MYH15: variants seen among roughly 807,000 people sequenced by gnomAD.
MYH15 encodes the protein myosin-15.
In MYH15, 227 loss-of-function variants were observed where a neutral mutation model predicts 240.5. The observed-to-expected ratio is 0.94, with a 90% CI of 0.85 to 1.05. MYH15 has a LOEUF of 1.05. Among genes scored for constraint, MYH15 ranks in the 50% least tolerant of loss-of-function variants. The probability of loss-of-function intolerance (pLI) is 0.00; values close to 1 mark genes in which losing one functional copy is unlikely to be tolerated. For missense variants in MYH15, 2,217 were observed against 2,247.5 expected (o/e 0.99, Z 0.27); for synonymous variants, 785 against 796.7 (o/e 0.99, Z 0.25).
chr3:108,404,302 T>C (rs1251729245), intron 33 of MYH15, among the ~76,000 whole-genome samples: 2 of 152,194 alleles, frequency 1.3e-5, no homozygotes, highest in African/African-American at 4.8e-5. Context: ...CAATTGAACA[T>C]GTTAACAGGG....
Position 108,464,783 on chromosome 3 carries a change from T to A in MYH15, c.1586A>T (p.Glu529Val), listed in dbSNP as rs1217490781. Residue 529 changes from glutamate (E) to valine (V), a missense_variant, in exon 15 of 41, where the codon GAG becomes GTG. Transcript: ENST00000693548. ...PMGILSILEE[E>V]CMFPKATDLT... ...GTCTGTAGCCTTAGGAAACATACAC[T>A]CTTCTTCAAGGATGGAAAGGATGCC... is the stretch of plus-strand genomic sequence containing the variant. 2 of 1,611,460 alleles carry A rather than the reference T, an allele frequency of 1.2e-6. No homozygotes were observed. The highest frequency in any genetic ancestry group is 1.3e-5 in the African/African-American group (1 of 74,818).
intron 20 of MYH15, 152 bp downstream of exon 20, chr3:108,455,584 C>A (rs992132706): frequency 5.6e-6 from 5 of 887,324 alleles, no homozygotes; most frequent in Non-Finnish European, 8.6e-6. Flanking sequence ...CAAACAGCAC[C>A]GAAGTTTTCA....
chr3:108,528,480 T>C (rs2083690191), intron 1 of MYH15, among the ~76,000 whole-genome samples: 1 of 152,204 alleles, frequency 6.6e-6, no homozygotes, highest in Non-Finnish European at 1.5e-5. Flanking sequence ...TGGTTGGGTT[T>C]TTCTGCACTC....
intron 33 of MYH15, chr3:108,405,051 A>G (rs1228734325): frequency 1.1e-5 from 2 of 182,074 alleles, no homozygotes; most frequent in African/African-American, 4.7e-5. Flanking sequence ...GCTCACCACT[A>G]TTGATATAAA....
At chr3:108,430,789 G>C (rs147137211) in intron 26 of MYH15, 43 bp downstream of exon 26, 25,161 of 1,442,638 alleles carry the variant, frequency 0.017, 299 homozygotes, top group Middle Eastern at 0.018. Context: ...CATCACCCAT[G>C]GATCTAAATA....
intron 5 of MYH15, among the ~76,000 whole-genome samples, chr3:108,499,105 G>T (rs909192941): frequency 6.6e-6 from 1 of 152,100 alleles, no homozygotes; most frequent in African/African-American, 2.4e-5. Flanking sequence ...CATACCTATT[G>T]GACGTTCAGC....
chr3:108,505,668 T>G (rs2083470263), intron 2 of MYH15, 55 bp downstream of exon 2: 1 of 949,900 alleles, frequency 1.1e-6, no homozygotes, highest in African/African-American at 1.7e-5. Context: ...ATAATATATT[T>G]AGTTATTTGA....
At chr3:108,540,489 G>T in the MYH15 span, among the ~76,000 whole-genome samples, 1 of 151,980 alleles carries the variant, frequency 6.6e-6, no homozygotes, top group African/African-American at 2.4e-5. Context: ...ATTAGTTACT[G>T]AAGCACAAAC....
intron 26 of MYH15, among the ~76,000 whole-genome samples, chr3:108,429,498 A>G (rs1172245409): frequency 2.6e-5 from 4 of 152,170 alleles, no homozygotes; most frequent in Non-Finnish European, 5.9e-5. Context: ...ATACAGTATC[A>G]TCAGAGGCAG....
chr3:108,498,741 C>A (rs556795297), intron 5 of MYH15, among the ~76,000 whole-genome samples: 1 of 152,358 alleles, frequency 6.6e-6, no homozygotes, highest in African/African-American at 2.4e-5. Context: ...GAACTCCCAA[C>A]TGTTCATGTA....
chr3:108,500,713 T>C (rs1452046914), intron 3 of MYH15, among the ~76,000 whole-genome samples: 1 of 152,148 alleles, frequency 6.6e-6, no homozygotes, highest in Non-Finnish European at 1.5e-5. Flanking sequence ...CAAATAGATA[T>C]ATTTATGTCC....
rs187512275 is a variant in MYH15, at chr3:108,485,573, A to C, written c.976-344T>G. On this transcript the variant is annotated intron_variant, in intron 10 of 40. Coordinates refer to ENST00000693548, the MANE Select transcript of MYH15 (RefSeq NM_014981.3). ...TTTCGTGGTTATGGCAGAAAGCACCATATCTGCTGAGTTGCTTGTTTCTGT... is the reference window on the plus strand; with the variant it reads ...TTTCGTGGTTATGGCAGAAAGCACCCTATCTGCTGAGTTGCTTGTTTCTGT... Among the ~76,000 whole-genome samples the C allele has an allele frequency of 2.0e-5, 3 of 152,344 alleles. No homozygotes were observed. The East Asian group carries it at 5.8e-4, about 29-fold the overall frequency.
chr3:108,491,331 A>G (rs1470119517), intron 9 of MYH15, among the ~76,000 whole-genome samples: 1 of 152,166 alleles, frequency 6.6e-6, no homozygotes, highest in South Asian at 2.1e-4. Flanking sequence ...GCAGCTCCAT[A>G]ATAAATATTT....
intron 33 of MYH15, among the ~76,000 whole-genome samples, chr3:108,402,268 G>C (rs75765159): frequency 0.013 from 2,000 of 152,296 alleles, 41 homozygotes; most frequent in Admixed American, 0.049. Flanking sequence ...GCATATTCTG[G>C]CAGAGATTCA....
the MYH15 span, among the ~76,000 whole-genome samples, chr3:108,540,819 TG>T: frequency 6.6e-6 from 1 of 152,038 alleles, no homozygotes; most frequent in Non-Finnish European, 1.5e-5. Flanking sequence ...GATATGAAAA[TG>T]TAAATTTTTT....
intron 20 of MYH15, among the ~76,000 whole-genome samples, chr3:108,454,592 T>C (rs2083004233): frequency 6.6e-6 from 1 of 152,116 alleles, no homozygotes; most frequent in South Asian, 2.1e-4. Context: ...TCGTGAACCA[T>C]CTAAAACCAT....
At chr3:108,411,727 A>G (rs2082594668) in intron 30 of MYH15, among the ~76,000 whole-genome samples, 1 of 152,212 alleles carries the variant, frequency 6.6e-6, no homozygotes, top group Non-Finnish European at 1.5e-5. Flanking sequence ...TACTTCTTAG[A>G]TGAAAAGTAC....
At chr3:108,481,251 C>T (rs535740027) in intron 11 of MYH15, among the ~76,000 whole-genome samples, 6 of 152,240 alleles carry the variant, frequency 3.9e-5, no homozygotes, top group East Asian at 1.9e-4. Flanking sequence ...CTAGAAAATG[C>T]GTAAAAAATA....
chr3:108,451,526 T>C (rs535555423), intron 21 of MYH15, among the ~76,000 whole-genome samples: 1 of 152,134 alleles, frequency 6.6e-6, no homozygotes, highest in East Asian at 1.9e-4. Context: ...AATAAATAAA[T>C]TGAATCAAAA....
Sources: gnomAD v4.1 joint callset for allele counts (sites outside exome capture counted in the v4.1 genomes callset) on GRCh38, gnomAD v4.1.1 for gene constraint, MANE v1.5 for transcripts, NCBI Gene and HGNC (gene_info 2026-07-23, HGNC 2026-07-21) for gene names.